Variants in CA10 observed in about 807,000 individuals in gnomAD.
The protein encoded by CA10 is carbonic anhydrase 10 (inactive).
In CA10, 14 loss-of-function variants were observed where a neutral mutation model predicts 44.2. The ratio of observed to expected loss-of-function variants is 0.32; its 90% CI spans 0.21 to 0.50. The LOEUF is 0.50. Ranked by LOEUF, CA10 falls within the 20% of genes least tolerant of loss-of-function variation. The probability of loss-of-function intolerance (pLI) is 0.99; values close to 1 mark genes in which losing one functional copy is unlikely to be tolerated. For synonymous variants in CA10, 159 were observed against 141.6 expected (o/e 1.12, Z -0.87); for missense variants, 350 against 409.7 (o/e 0.85, Z 1.26).
At chr17:51,689,383 G>T (rs1265420632) in intron 4 of CA10, among the ~76,000 whole-genome samples, 1 of 152,128 alleles carries the variant, frequency 6.6e-6, no homozygotes, top group East Asian at 1.9e-4. Context: ...GATTCCAAGG[G>T]CCATTCTTTT....
chr17:51,818,970 C>A (rs74412058), intron 3 of CA10, among the ~76,000 whole-genome samples: 2 of 152,112 alleles, frequency 1.3e-5, no homozygotes, highest in Admixed American at 1.3e-4. Flanking sequence ...ACATAAGGCT[C>A]CCACATCAAA....
At chr17:52,069,378 A>G (rs1342873503) in intron 2 of CA10, among the ~76,000 whole-genome samples, 1 of 152,156 alleles carries the variant, frequency 6.6e-6, no homozygotes, top group East Asian at 1.9e-4. Flanking sequence ...ATATGATGGT[A>G]TGGAGGGCGA....
intron 6 of CA10, among the ~76,000 whole-genome samples, chr17:51,642,057 G>C (rs1420573964): frequency 2.0e-5 from 3 of 152,264 alleles, no homozygotes; most frequent in East Asian, 1.9e-4. Flanking sequence ...ATGAAAAAAG[G>C]CAATTACTAA....
intron 3 of CA10, among the ~76,000 whole-genome samples, chr17:51,892,091 A>G (rs1301716271): frequency 6.6e-6 from 1 of 152,238 alleles, no homozygotes; most frequent in Non-Finnish European, 1.5e-5. Context: ...ACACTGCTTG[A>G]TGATTAATTT....
chr17:52,007,415 T>C (rs1417439609), intron 2 of CA10, among the ~76,000 whole-genome samples: 1 of 151,552 alleles, frequency 6.6e-6, no homozygotes, highest in Non-Finnish European at 1.5e-5. Context: ...ATTTGATCCT[T>C]AGGTCGATAA....
intron 1 of CA10, among the ~76,000 whole-genome samples, chr17:52,110,658 C>A (rs1218390922): frequency 6.6e-6 from 1 of 152,138 alleles, no homozygotes; most frequent in African/African-American, 2.4e-5. Context: ...CTAGCTTCAG[C>A]CTGATCCCAC....
At chr17:51,643,012 C>A (rs575439157) in intron 6 of CA10, among the ~76,000 whole-genome samples, 39 of 152,156 alleles carry the variant, frequency 2.6e-4, no homozygotes, top group African/African-American at 8.4e-4. Context: ...TGGGGGCATG[C>A]GACACTGAAG....
At chr17:52,036,348 T>C (rs1986617961) in intron 2 of CA10, among the ~76,000 whole-genome samples, 1 of 152,172 alleles carries the variant, frequency 6.6e-6, no homozygotes, top group African/African-American at 2.4e-5. Context: ...AGGCTCTGGG[T>C]ATATAAAGAT....
intron 3 of CA10, among the ~76,000 whole-genome samples, chr17:51,817,931 TA>T (rs1907627701): frequency 1.3e-5 from 2 of 152,236 alleles, no homozygotes; most frequent in African/African-American, 2.4e-5. Context: ...GCTGGAATTG[TA>T]ACCTAGCTTG....
chr17:51,828,679 G>A, intron 3 of CA10, among the ~76,000 whole-genome samples: 1 of 152,082 alleles, frequency 6.6e-6, no homozygotes, highest in East Asian at 1.9e-4. Context: ...CACTCCAAGA[G>A]GAATCAAAGC....
chr17:51,766,032 G>A (rs1188374166), intron 3 of CA10, among the ~76,000 whole-genome samples: 1 of 152,236 alleles, frequency 6.6e-6, no homozygotes, highest in Middle Eastern at 3.4e-3. Flanking sequence ...GGCAGCAAAA[G>A]GGTTCAGGAA....
At position 52,157,807 on chromosome 17, in the gene CA10, T is replaced by C. The variant is rs1322722959; in HGVS notation, c.-21A>G. 6.2e-7 allele frequency: 1 copy of C among 1,608,452 alleles called. No individual in the cohort carries two copies. The highest frequency in any genetic ancestry group is 8.5e-7 in the Non-Finnish European group (1 of 1,174,964). On this transcript the variant is annotated 5_prime_UTR_variant, in exon 1 of 9. Transcript: ENST00000451037. ...TCCATCCTCTGATTCTCATTCCAAG[T>C]GCATCACTCGACGGGAAAACGGGGG...
intron 2 of CA10, among the ~76,000 whole-genome samples, chr17:52,043,674 A>C: frequency 6.6e-6 from 1 of 152,114 alleles, no homozygotes; most frequent in Non-Finnish European, 1.5e-5. Flanking sequence ...ACTGTTGTGT[A>C]TAATGTTAGC....
At chr17:51,972,834 T>C (rs1984331176) in intron 2 of CA10, among the ~76,000 whole-genome samples, 1 of 150,726 alleles carries the variant, frequency 6.6e-6, no homozygotes, top group Non-Finnish European at 1.5e-5. Flanking sequence ...AAAGAATGTG[T>C]CAAAACATGA....
At chr17:51,933,427 G>A (rs1000709221) in intron 2 of CA10, among the ~76,000 whole-genome samples, 1 of 152,052 alleles carries the variant, frequency 6.6e-6, no homozygotes, top group Non-Finnish European at 1.5e-5. Context: ...CATGAACCAA[G>A]GAATGCAGGT....
intron 3 of CA10, among the ~76,000 whole-genome samples, chr17:51,875,534 G>GT (rs1306381861): frequency 6.6e-6 from 1 of 152,182 alleles, no homozygotes; most frequent in Non-Finnish European, 1.5e-5. Context: ...GAAGAAGGCT[G>GT]TTTCTGCAGT....
chr17:51,949,847 G>A (rs1983417567), intron 2 of CA10, among the ~76,000 whole-genome samples: 1 of 152,100 alleles, frequency 6.6e-6, no homozygotes. Flanking sequence ...CATTATACAA[G>A]ATCACTTAAC....
At chr17:51,647,042 G>A (rs924719239) in intron 6 of CA10, among the ~76,000 whole-genome samples, 5 of 150,124 alleles carry the variant, frequency 3.3e-5, no homozygotes, top group African/African-American at 1.3e-4. Flanking sequence ...CCTGAGAGGT[G>A]TAGAGTATGG....
At chr17:51,704,634 T>A (rs184932600) in intron 4 of CA10, among the ~76,000 whole-genome samples, 94 of 152,276 alleles carry the variant, frequency 6.2e-4, no homozygotes, top group African/African-American at 2.2e-3. Context: ...ATCCACTCTA[T>A]CTTCTACAGT....
Sources: allele counts gnomAD v4.1 joint callset (sites outside exome capture counted in the v4.1 genomes callset), GRCh38; gene constraint gnomAD v4.1.1; transcripts MANE v1.5; gene names NCBI Gene and HGNC (gene_info 2026-07-23, HGNC 2026-07-21).